Variants in ADAM2 observed in about 807,000 individuals in gnomAD.
ADAM2 encodes disintegrin and metalloproteinase domain-containing protein 2.
A neutral mutation model predicts 99.3 loss-of-function variants in ADAM2; 101 were observed. That is an observed-to-expected ratio of 1.02 (90% CI 0.87 to 1.20). The LOEUF (loss-of-function observed/expected upper bound fraction) is 1.20, where lower values mean the gene tolerates loss of function less well. Ranked by LOEUF, ADAM2 falls within the 50% of genes most tolerant of loss-of-function variation. The pLI is 0.00. For synonymous variants in ADAM2, 323 were observed against 287.6 expected, an observed-to-expected ratio of 1.12 and a Z score of -1.25; for missense variants, 948 against 878.7, an observed-to-expected ratio of 1.08 and a Z score of -1.00.
intron 3 of ADAM2, among the ~76,000 whole-genome samples, chr8:39,832,582 CTATT>C (rs1264321679): frequency 6.6e-6 from 1 of 152,088 alleles, no homozygotes; most frequent in African/African-American, 2.4e-5. Context: ...TTGTAATATT[CTATT>C]TCTTACTACT....
At chr8:39,756,746 C>T (rs113906191) in intron 15 of ADAM2, among the ~76,000 whole-genome samples, 17 of 152,276 alleles carry the variant, frequency 1.1e-4, no homozygotes, top group African/African-American at 3.6e-4. Flanking sequence ...CAGGAGTCAT[C>T]GAGGAAGGAC....
chr8:39,791,760 T>C lies in ADAM2; in HGVS notation c.571-3020A>G, dbSNP rs1405487932. 2.0e-5 allele frequency among the ~76,000 whole-genome samples: 3 copies of C among 152,084 alleles called. No individual in the cohort carries two copies. The South Asian group carries it at 6.2e-4, about 32-fold the overall frequency. On this transcript the variant is annotated intron_variant, in intron 7 of 20. Coordinates refer to ENST00000265708, the MANE Select transcript of ADAM2 (RefSeq NM_001464.5). ...TGAAGCTTTAGAGGTAAAAGATAGC[T>C]GTTGCCACATTCACAGGGATTTTGT... is the stretch of plus-strand genomic sequence containing the variant.
chr8:39,754,528 G>A (rs1802075286), intron 16 of ADAM2, among the ~76,000 whole-genome samples: 1 of 151,968 alleles, frequency 6.6e-6, no homozygotes, highest in South Asian at 2.1e-4. Flanking sequence ...GCATTAATTT[G>A]GTAAGACATT....
chr8:39,802,373 T>C (rs188967379), intron 7 of ADAM2, among the ~76,000 whole-genome samples: 2 of 152,268 alleles, frequency 1.3e-5, no homozygotes, highest in East Asian at 1.9e-4. Flanking sequence ...AAGCCTCTTA[T>C]GGCTTTTTTT....
At chr8:39,794,600 T>C (rs984017322) in intron 7 of ADAM2, among the ~76,000 whole-genome samples, 1 of 152,134 alleles carries the variant, frequency 6.6e-6, no homozygotes, top group Non-Finnish European at 1.5e-5. Context: ...GGTTATGTTA[T>C]CTATAGATTC....
intron 7 of ADAM2, among the ~76,000 whole-genome samples, chr8:39,801,972 C>T (rs1181033605): frequency 2.6e-5 from 4 of 152,186 alleles, no homozygotes; most frequent in Non-Finnish European, 5.9e-5. Context: ...GCTGCCCCTC[C>T]CCCAAGGAGC....
In ADAM2 at chr8:39,755,722, A is replaced by G; in HGVS notation, c.1797+6T>C. ...GGAAATTATTTGGGAATAAAAGACT[A>G]CCTACCTTATTTGAACCACAAGAAG... is the stretch of plus-strand genomic sequence containing the variant. On this transcript the variant is annotated splice_donor_region_variant and intron_variant, in intron 16 of 20. Transcript: ENST00000265708. The G allele has an allele frequency of 6.2e-7, 1 of 1,605,870 alleles. No individual in the cohort carries two copies. Among genetic ancestry groups the G allele is most frequent in the Non-Finnish European group, 8.5e-7 (1 of 1,175,014 alleles).
At position 39,777,116 on chromosome 8, in the gene ADAM2, G is replaced by A; in HGVS notation, c.937C>T (p.Gln313Ter). 2.5e-6 allele frequency: 4 copies of A among 1,610,486 alleles called. No individual in the cohort carries two copies. The highest frequency in any genetic ancestry group is 2.5e-6 in the Non-Finnish European group (3 of 1,177,340). Reference protein sequence around the residue: ...SLESLAVILAQLLSLSMGITY... With the variant: ...SLESLAVILA ...ATCCCCATACTAAGGCTCAATAATTGAGCTAAAATAACTGCAAGTGATTCC... is the reference window on the plus strand; with the variant it reads ...ATCCCCATACTAAGGCTCAATAATTAAGCTAAAATAACTGCAAGTGATTCC... The change falls in exon 11 of 21, where the codon CAA becomes TAA. Residue 313 changes from glutamine to a stop codon, truncating the protein, a stop_gained. Transcript: ENST00000265708. LOFTEE classifies it high-confidence loss of function.
At chr8:39,768,560 G>C (rs10096756) in intron 12 of ADAM2, among the ~76,000 whole-genome samples, 71,259 of 151,872 alleles carry the variant, frequency 0.47, 17,054 homozygotes, top group South Asian at 0.67. Context: ...CTTAAATATC[G>C]ACCTGGATTA....
At chr8:39,748,632 C>A (rs1426682273) in intron 18 of ADAM2, among the ~76,000 whole-genome samples, 1 of 152,114 alleles carries the variant, frequency 6.6e-6, no homozygotes, top group Non-Finnish European at 1.5e-5. Flanking sequence ...CTCTAAAATT[C>A]ATCTAGGCTT....
chr8:39,826,557 A>T (rs888056922), intron 3 of ADAM2, among the ~76,000 whole-genome samples: 1 of 152,046 alleles, frequency 6.6e-6, no homozygotes. Context: ...CCCCGACTCT[A>T]CTAAAAATAC....
At chr8:39,786,730 A>C (rs760907902) in intron 10 of ADAM2, among the ~76,000 whole-genome samples, 1 of 152,126 alleles carries the variant, frequency 6.6e-6, no homozygotes, top group Non-Finnish European at 1.5e-5. Flanking sequence ...TTACAGTAAG[A>C]CTAAACTAGT....
At chr8:39,838,021 T>C in intron 1 of ADAM2, 110 bp downstream of exon 1, 1 of 1,236,394 alleles carries the variant, frequency 8.1e-7, no homozygotes, top group South Asian at 1.3e-5. Context: ...ATTGCTGAGT[T>C]GGAAACCCCT....
intron 16 of ADAM2, among the ~76,000 whole-genome samples, chr8:39,755,461 G>A (rs1051434873): frequency 2.0e-5 from 3 of 152,150 alleles, no homozygotes; most frequent in Admixed American, 6.5e-5. Context: ...GATCACCCGA[G>A]GTCAGGAGTT....
intron 16 of ADAM2, among the ~76,000 whole-genome samples, chr8:39,754,695 CCT>C (rs1357490543): frequency 6.6e-6 from 1 of 151,950 alleles, no homozygotes; most frequent in Non-Finnish European, 1.5e-5. Context: ...TTTTCCTTTC[CCT>C]CTTTTCTTCA....
rs146775573 is a variant in ADAM2, at chr8:39,787,023, G to T, written c.842C>A (p.Thr281Asn). 6 of 1,588,956 alleles carry T rather than the reference G, an allele frequency of 3.8e-6. No individual in the cohort carries two copies. The East Asian group carries it at 1.4e-4, about 36-fold the overall frequency. ...YREKSNYVGA[T>N]FQGKMCDANY... ...TGCATCACACATCTTCCCTTGAAAG[G>T]TTGCACCAACATAATTTGACTTTTC... is the stretch of plus-strand genomic sequence containing the variant. Residue 281 changes from threonine to asparagine, a missense_variant, in exon 10 of 21, where the codon ACC becomes AAC. Physicochemically the swap from Thr to Asn is moderately conservative, Grantham distance 65. Transcript: ENST00000265708.
chr8:39,796,111 G>A (rs990437970), intron 7 of ADAM2, among the ~76,000 whole-genome samples: 8 of 150,876 alleles, frequency 5.3e-5, no homozygotes, highest in Non-Finnish European at 4.4e-5. Context: ...TGTGCAGAAT[G>A]TGCAGGTTTA....
chr8:39,765,398 C>G (rs976495151), intron 14 of ADAM2, among the ~76,000 whole-genome samples: 1 of 152,090 alleles, frequency 6.6e-6, no homozygotes, highest in African/African-American at 2.4e-5. Context: ...AACATTACCA[C>G]TGATACTACA....
intron 10 of ADAM2, among the ~76,000 whole-genome samples, chr8:39,780,884 T>C (rs911406696): frequency 6.6e-6 from 1 of 152,208 alleles, no homozygotes; most frequent in East Asian, 1.9e-4. Flanking sequence ...GGTTTGAAAC[T>C]TGTAGAGAAA....
Sources: gnomAD v4.1 joint callset for allele counts (sites outside exome capture counted in the v4.1 genomes callset) on GRCh38, gnomAD v4.1.1 for gene constraint, MANE v1.5 for transcripts, NCBI Gene and HGNC (gene_info 2026-07-23, HGNC 2026-07-21) for gene names.